Variants in CCNY observed in about 807,000 individuals in gnomAD.
The protein encoded by CCNY is cyclin Y.
CCNY carries 19 observed loss-of-function variants against 42.8 expected under a neutral mutation model. That is an observed-to-expected ratio of 0.44 (90% CI 0.31 to 0.65). The LOEUF (loss-of-function observed/expected upper bound fraction) is 0.65, where lower values mean the gene tolerates loss of function less well. CCNY is among the 30% of genes least tolerant of loss of function. The pLI, the probability that CCNY is intolerant of heterozygous loss-of-function variation, is 0.07. For missense variants in CCNY, 370 were observed against 437.3 expected, an observed-to-expected ratio of 0.85 and a Z score of 1.37; for synonymous variants, 165 against 162.7, an observed-to-expected ratio of 1.01 and a Z score of -0.11.
intron 1 of CCNY, among the ~76,000 whole-genome samples, chr10:35,478,777 A>T (rs1162497080): frequency 4.6e-5 from 7 of 152,242 alleles, no homozygotes; most frequent in African/African-American, 1.7e-4. Flanking sequence ...ACAAAAGCCA[A>T]AATTGACAAA....
At chr10:35,441,515 G>A (rs1281439701) in intron 1 of CCNY, among the ~76,000 whole-genome samples, 3 of 152,198 alleles carry the variant, frequency 2.0e-5, no homozygotes, top group South Asian at 2.1e-4. Flanking sequence ...AGGCCGAGGC[G>A]GGAGGATCAC....
At chr10:35,555,475 A>C (rs1307988774) in intron 8 of CCNY, among the ~76,000 whole-genome samples, 7 of 152,190 alleles carry the variant, frequency 4.6e-5, no homozygotes, top group Non-Finnish European at 8.8e-5. Flanking sequence ...TCACAATAAC[A>C]ACAACAGCAG....
chr10:35,408,472 G>C (rs1003778232), intron 1 of CCNY, among the ~76,000 whole-genome samples: 7 of 152,090 alleles, frequency 4.6e-5, no homozygotes, highest in African/African-American at 1.5e-4. Context: ...CAATGTTTTG[G>C]GGGCAGGGGG....
At chr10:35,503,431 G>A (rs1840152350) in intron 3 of CCNY, among the ~76,000 whole-genome samples, 1 of 152,202 alleles carries the variant, frequency 6.6e-6, no homozygotes, top group African/African-American at 2.4e-5. Context: ...CGCTGCAAAT[G>A]AGCGCCATCA....
chr10:35,275,565 C>G (rs1835228317), intron 3 of CCNY, among the ~76,000 whole-genome samples: 1 of 151,720 alleles, frequency 6.6e-6, no homozygotes, highest in Admixed American at 6.6e-5. Flanking sequence ...AGATCAAGAC[C>G]ATCCCGGCTA....
chr10:35,372,058 C>T (rs965005402), intron 1 of CCNY, among the ~76,000 whole-genome samples: 1 of 152,166 alleles, frequency 6.6e-6, no homozygotes, highest in Non-Finnish European at 1.5e-5. Flanking sequence ...AAGGCAGGTA[C>T]TGTGTTTTAT....
chr10:35,270,861 G>T (rs1312025632), intron 3 of CCNY, among the ~76,000 whole-genome samples: 1 of 151,716 alleles, frequency 6.6e-6, no homozygotes, highest in African/African-American at 2.4e-5. Context: ...AAGTAGCTGG[G>T]ACTACAGGCG....
At chr10:35,333,737 C>T (rs115103231), upstream of CCNY, among the ~76,000 whole-genome samples, 1,011 of 152,248 alleles carry the variant, frequency 6.6e-3, 18 homozygotes, top group African/African-American at 0.023. Flanking sequence ...TTTCAACGAA[C>T]GACATCTCTC....
At chr10:35,407,646 C>T (rs1470645495) in intron 1 of CCNY, among the ~76,000 whole-genome samples, 2 of 152,016 alleles carry the variant, frequency 1.3e-5, no homozygotes, top group Non-Finnish European at 2.9e-5. Context: ...AAATAAGACG[C>T]TTAGATTTTA....
intron 1 of CCNY, among the ~76,000 whole-genome samples, chr10:35,372,761 G>A (rs1384231111): frequency 7.9e-5 from 12 of 152,150 alleles, no homozygotes; most frequent in South Asian, 2.1e-4. Flanking sequence ...GTACAATGGC[G>A]CGATCTCAGC....
intron 3 of CCNY, among the ~76,000 whole-genome samples, chr10:35,515,486 T>A (rs961502965): frequency 6.6e-6 from 1 of 152,190 alleles, no homozygotes; most frequent in African/African-American, 2.4e-5. Flanking sequence ...ACAGGGCATT[T>A]GGTCTCTAAC....
intron 7 of CCNY, among the ~76,000 whole-genome samples, chr10:35,544,911 A>G (rs940297631): frequency 3.9e-5 from 6 of 152,100 alleles, no homozygotes; most frequent in African/African-American, 1.4e-4. Flanking sequence ...GCTTATATAC[A>G]TTTTTAGGTA....
At chr10:35,389,477 G>C (rs1032220177) in intron 1 of CCNY, among the ~76,000 whole-genome samples, 2 of 135,024 alleles carry the variant, frequency 1.5e-5, no homozygotes, top group Non-Finnish European at 3.1e-5. Context: ...GTCTAGCTCT[G>C]TTGCCAGGCT....
chr10:35,502,749 CT>C (rs1010900139), intron 3 of CCNY, among the ~76,000 whole-genome samples: 118 of 145,110 alleles, frequency 8.1e-4, no homozygotes, highest in African/African-American at 6.3e-4. Flanking sequence ...ATTGCCATGC[CT>C]TTTTTTTTTT....
intron 4 of CCNY, among the ~76,000 whole-genome samples, chr10:35,520,236 G>C (rs563528194): frequency 5.3e-5 from 8 of 152,246 alleles, no homozygotes; most frequent in Non-Finnish European, 1.2e-4. Context: ...TCAGCTAGAG[G>C]GTTGACAATA....
At chr10:35,372,739 G>C (rs1004651450) in intron 1 of CCNY, among the ~76,000 whole-genome samples, 1 of 152,066 alleles carries the variant, frequency 6.6e-6, no homozygotes, top group Non-Finnish European at 1.5e-5. Flanking sequence ...CACTCTTGTT[G>C]CCCAGGCTAG....
At chr10:35,284,427 A>C (rs186036485) in intron 3 of CCNY, among the ~76,000 whole-genome samples, 1 of 152,260 alleles carries the variant, frequency 6.6e-6, no homozygotes, top group East Asian at 1.9e-4. Context: ...AGTTGTTCAT[A>C]GTATTTCCTT....
intron 8 of CCNY, among the ~76,000 whole-genome samples, chr10:35,564,151 A>T (rs1841521062): frequency 6.6e-6 from 1 of 150,774 alleles, no homozygotes; most frequent in Non-Finnish European, 1.5e-5. Context: ...AAGTGCTGAG[A>T]TTACAGGTGT....
In CCNY at chr10:35,571,310, A is replaced by T. The variant is rs1249901210; in HGVS notation, c.*2140A>T. 6.6e-6 allele frequency: 1 copy of T among 151,750 alleles called. No homozygotes were observed. The highest frequency in any genetic ancestry group is 2.4e-5 in the African/African-American group (1 of 41,432). 9.4% of individuals were successfully genotyped at this position (151,750 alleles called of 1,614,324 possible). On this transcript the variant is annotated 3_prime_UTR_variant, in exon 10 of 10. Transcript: ENST00000374704. ...TGCTATTATTTTGTGGAGTTTATTAAACTACTTTAAAAAAATTGTATAGTC... is the reference window on the plus strand; with the variant it reads ...TGCTATTATTTTGTGGAGTTTATTATACTACTTTAAAAAAATTGTATAGTC...
Sources: allele counts gnomAD v4.1 joint callset (sites outside exome capture counted in the v4.1 genomes callset), GRCh38; gene constraint gnomAD v4.1.1; transcripts MANE v1.5; gene names NCBI Gene and HGNC (gene_info 2026-07-23, HGNC 2026-07-21).